Variants in USP54 observed in about 807,000 individuals in gnomAD.
The protein encoded by USP54 is ubiquitin specific peptidase 54, also known as ubiquitin carboxyl-terminal hydrolase 54.
A neutral mutation model predicts 170.5 loss-of-function variants in USP54; 87 were observed. The ratio of observed to expected loss-of-function variants is 0.51; its 90% CI spans 0.43 to 0.61. The LOEUF is 0.61. Ranked by LOEUF, USP54 falls within the 20% of genes least tolerant of loss-of-function variation. The probability of loss-of-function intolerance (pLI) is 0.00; values close to 1 mark genes in which losing one functional copy is unlikely to be tolerated. For missense variants in USP54, 1,786 were observed against 2,047.8 expected (o/e 0.87, Z 2.47); for synonymous variants, 655 against 742.8 (o/e 0.88, Z 1.92).
chr10:73,523,880 T>TTATTTATTATTA lies in USP54; in HGVS notation c.2195-131_2195-130insTAATAATAAATA, dbSNP rs1200757984. ...CAATTTGGAGTTTATTTATTTATTA[T>TTATTTATTATTA]TTATTATTATTATTATTATTATTAT... On this transcript the variant is annotated intron_variant, in intron 16 of 23. Transcript: ENST00000687698. 4.6e-4 allele frequency: 74 copies of TTATTTATTATTA among 161,006 alleles called. 1 individual carries two copies. The East Asian group carries it at 4.8e-3, about 10-fold the overall frequency. 10.0% of individuals were successfully genotyped at this position (161,006 alleles called of 1,614,324 possible).
chr10:73,499,470 C>G, intron 23 of USP54: 1 of 341,806 alleles, frequency 2.9e-6, no homozygotes, highest in Non-Finnish European at 5.3e-6. Context: ...TATACACACA[C>G]CTACAAAAGA....
intron 20 of USP54, chr10:73,507,215 C>T (rs1024819059): frequency 6.6e-6 from 1 of 151,216 alleles, no homozygotes; most frequent in Admixed American, 6.6e-5. Context: ...TAGATAATTA[C>T]CTGGGGAAGT....
At chr10:73,542,257 C>CCTGG (rs1338269527) in intron 7 of USP54, among the ~76,000 whole-genome samples, 1 of 152,116 alleles carries the variant, frequency 6.6e-6, no homozygotes, top group Non-Finnish European at 1.5e-5. Flanking sequence ...CGCAACCATG[C>CCTGG]CTGGCTAATT....
At chr10:73,573,076 G>T (rs2075490262) in intron 3 of USP54, among the ~76,000 whole-genome samples, 1 of 151,962 alleles carries the variant, frequency 6.6e-6, no homozygotes. Context: ...TTGAGCCCAG[G>T]AGTTCAAGAC....
rs776812105 is a variant in USP54 at position 73,519,834 on chromosome 10, G to A, written c.2641C>T (p.Leu881Phe). Residue 881 changes from leucine (L) to phenylalanine (F), a missense_variant, in exon 19 of 24, where the codon CTC becomes TTC. Around this residue, in one of 3 missense-constraint regions of USP54, gnomAD observed 1,418 missense variants for 1,569.0 expected, o/e 0.90. Transcript: ENST00000687698. ...GAGAGAGTCCCCGCCTGTGTTGGGA[G>A]GCAGGCTGAGGGCTGCGACGGCTGC... ...PQQPSQPSAC[L>F]PTQAGTLSQP... is the part of the protein sequence containing the mutation. The A allele has an allele frequency of 3.1e-6, 5 of 1,613,928 alleles. No individual in the cohort carries two copies. The South Asian group carries it at 5.5e-5, about 18-fold the overall frequency.
At position 73,530,429 on chromosome 10, in the gene USP54, A is replaced by G; in HGVS notation, c.1542T>C (p.Asn514=). 6.2e-7 allele frequency: 1 copy of G among 1,614,140 alleles called. No homozygotes were observed. ...CCAGGGATGGTCTGTTATGGATCAT[A>G]TTGCTGACTGTCTCTTTAAAATCTC... is the stretch of plus-strand genomic sequence containing the variant. ...RLRDFKETVS[N]MIHNRPSLAS... The change falls in exon 14 of 24, where the codon AAT becomes AAC. Residue 514 remains asparagine, a synonymous_variant. Transcript: ENST00000687698.
At chr10:73,545,496 A>G in intron 5 of USP54, 42 bp downstream of exon 5, 2 of 1,605,452 alleles carry the variant, frequency 1.2e-6, no homozygotes, top group Non-Finnish European at 1.7e-6. Flanking sequence ...GACCATCAGC[A>G]GTCCCACCCC....
chr10:73,514,730 C>T (rs1286163764), intron 20 of USP54, among the ~76,000 whole-genome samples: 1 of 151,930 alleles, frequency 6.6e-6, no homozygotes, highest in Non-Finnish European at 1.5e-5. Flanking sequence ...TACGGATCCT[C>T]AGAAATGTAT....
chr10:73,624,982 ATTG>A, intron 1 of USP54, among the ~76,000 whole-genome samples: 2 of 152,182 alleles, frequency 1.3e-5, no homozygotes, highest in Non-Finnish European at 2.9e-5. Context: ...TTAAAAAAAA[ATTG>A]TTTTTTAAGT....
chr10:73,575,574 G>T lies in USP54; in HGVS notation c.85C>A (p.Pro29Thr), dbSNP rs1183730038. Residue 29 changes from proline to threonine, a missense_variant, in exon 3 of 24, where the codon CCC (proline) becomes ACC (threonine). Coordinates refer to ENST00000687698, the MANE Select transcript of USP54 (RefSeq NM_001391956.1). ...GGCTCATTGCTGAGGCCTTTGCTGG[G>T]GGCTATGGAGGTTGAGCTTCGAGGT... Reference protein sequence around the residue: ...FAPRSSTSIAPSKGLSNEPGQ... With the variant: ...FAPRSSTSIATSKGLSNEPGQ... The T allele has an allele frequency of 1.2e-6, 2 of 1,613,910 alleles. No individual in the cohort carries two copies. Among genetic ancestry groups the T allele is most frequent in the Non-Finnish European group, 1.7e-6 (2 of 1,179,936 alleles).
Position 73,536,357 on chromosome 10 carries a change from G to C in USP54, c.1056C>G (p.Pro352=). ...CCTGGGTGGAAACTGGGGTACCCTG[G>C]GGATCTGCATAAAGCAGCAGCAGGG... ...YQPLLLLYAD[P]QGTPVSTQDL... Residue 352 remains proline, a synonymous_variant, in exon 11 of 24, where the codon CCC becomes CCG. Transcript: ENST00000687698. 1.2e-6 allele frequency: 2 copies of C among 1,613,630 alleles called. No individual in the cohort carries two copies. The highest frequency in any genetic ancestry group is 1.7e-6 in the Non-Finnish European group (2 of 1,179,762).
chr10:73,536,920 A>G (rs1384463448), intron 10 of USP54, among the ~76,000 whole-genome samples: 2 of 152,230 alleles, frequency 1.3e-5, no homozygotes, highest in African/African-American at 4.8e-5. Context: ...AATGACATTC[A>G]GTTTCAGAGT....
intron 1 of USP54, among the ~76,000 whole-genome samples, chr10:73,609,494 T>C (rs1341300256): frequency 1.3e-5 from 2 of 151,864 alleles, no homozygotes; most frequent in African/African-American, 4.8e-5. Context: ...GGCGAATCAC[T>C]TGAGGTCAGG....
chr10:73,558,677 T>C (rs1227241647), intron 4 of USP54, among the ~76,000 whole-genome samples: 1 of 152,132 alleles, frequency 6.6e-6, no homozygotes, highest in Non-Finnish European at 1.5e-5. Flanking sequence ...CTAGAGTGAA[T>C]AATTATGCTC....
chr10:73,536,590 C>T (rs1197153738), intron 10 of USP54, among the ~76,000 whole-genome samples, 153 bp from the exon 11 acceptor site: 1 of 152,152 alleles, frequency 6.6e-6, no homozygotes, highest in Admixed American at 6.5e-5. Context: ...AGACCTAACA[C>T]TTTTTTAATT....
chr10:73,502,494 T>A (rs1194064334), intron 22 of USP54, among the ~76,000 whole-genome samples: 1 of 151,810 alleles, frequency 6.6e-6, no homozygotes, highest in Non-Finnish European at 1.5e-5. Context: ...TTTGTATTTT[T>A]AGTAGAGACG....
Position 73,530,338 on chromosome 10 carries a change from G to T in USP54, c.1633C>A (p.Pro545Thr). 1 of 1,614,076 alleles carries T rather than the reference G, an allele frequency of 6.2e-7. No individual in the cohort carries two copies. Among genetic ancestry groups the T allele is most frequent in the Non-Finnish European group, 8.5e-7 (1 of 1,180,016 alleles). Residue 545 changes from proline to threonine, a missense_variant, in exon 14 of 24, where the codon CCT (proline) becomes ACT (threonine). Physicochemically the swap from Pro to Thr is conservative, Grantham distance 38. This residue lies in a region of USP54 where 1,418 missense variants were observed against 1,569.0 expected (regional missense o/e 0.90). Transcript: ENST00000687698. Reference sequence around the variant, plus strand: ...CGAGAGTGTAAAGGCAGGGTCCTAGGAGGTTTTTTGTCAGGCTGGTCTCCT... The same window carrying T: ...CGAGAGTGTAAAGGCAGGGTCCTAGTAGGTTTTTTGTCAGGCTGGTCTCCT... ...RGGDQPDKKP[P>T]RTLPLHSRDW...
intron 1 of USP54, among the ~76,000 whole-genome samples, chr10:73,624,982 A>T (rs1429484328): frequency 6.6e-6 from 1 of 152,182 alleles, no homozygotes; most frequent in Admixed American, 6.5e-5. Flanking sequence ...TTAAAAAAAA[A>T]TTGTTTTTTA....
chr10:73,534,913 G>C, intron 11 of USP54, 143 bp from the exon 12 acceptor site: 1 of 705,340 alleles, frequency 1.4e-6, no homozygotes, highest in Non-Finnish European at 2.2e-6. Context: ...ATACCATCAA[G>C]CCATTCTTCC....
Sources: allele counts gnomAD v4.1 joint callset (sites outside exome capture counted in the v4.1 genomes callset), GRCh38; gene constraint gnomAD v4.1.1; regional missense constraint gnomAD v4.1.1; transcripts MANE v1.5; gene names NCBI Gene and HGNC (gene_info 2026-07-23, HGNC 2026-07-21).